The following ZNF280B variants were observed in gnomAD, a reference collection of about 807,000 sequenced individuals.
ZNF280B encodes the protein suppressor of hairy wing homolog 2.
ZNF280B carries 16 observed loss-of-function variants against 38.0 expected under a neutral mutation model. That is an observed-to-expected ratio of 0.42 (90% CI 0.28 to 0.64). ZNF280B has a LOEUF of 0.64. ZNF280B is among the 30% of genes least tolerant of loss of function. ZNF280B has a pLI of 0.21. For synonymous variants in ZNF280B, 253 were observed against 230.6 expected (o/e 1.10, Z -0.88); for missense variants, 581 against 639.6 (o/e 0.91, Z 0.99).
chr22:22,486,113 A>G lies in ZNF280B; in HGVS notation c.*1654T>C, dbSNP rs1172910861. ...TCTTGCACACTGGTGTGTGTCAGGT[A>G]AGACCCAAACAGCATTAGTGTCAAA... is the stretch of plus-strand genomic sequence containing the variant. On this transcript the variant is annotated 3_prime_UTR_variant, in exon 4 of 4. Transcript: ENST00000626650. The G allele has an allele frequency of 2.0e-5, 3 of 152,020 alleles. No homozygotes were observed. Among genetic ancestry groups the G allele is most frequent in the Non-Finnish European group, 4.4e-5 (3 of 68,022 alleles). 9.4% of individuals were successfully genotyped at this position (152,020 alleles called of 1,614,324 possible). A position where few individuals can be genotyped will look rare whatever the true frequency, so the allele number is the denominator to read the frequency against.
Position 22,488,435 on chromosome 22 carries a change from T to C in ZNF280B, c.964A>G (p.Met322Val). 1 of 1,613,908 alleles carries C rather than the reference T, an allele frequency of 6.2e-7. No individual in the cohort carries two copies. Among genetic ancestry groups the C allele is most frequent in the Non-Finnish European group, 8.5e-7 (1 of 1,179,990 alleles). Residue 322 changes from methionine (M) to valine (V), a missense_variant, in exon 4 of 4, where the codon ATG becomes GTG. Coordinates refer to ENST00000626650, the MANE Select transcript of ZNF280B (RefSeq NM_080764.4). ...TCCAAATGATGCTTCACGTGATTCA[T>C]AAACTTAACATTTTTTAGAACTTTC... ...CVKVLKNVKF[M>V]NHVKHHLEFE... is the part of the protein sequence containing the mutation.
chr22:22,493,381 G>A (rs2146785049), intron 3 of ZNF280B, among the ~76,000 whole-genome samples: 1 of 152,114 alleles, frequency 6.6e-6, no homozygotes, highest in Middle Eastern at 3.5e-3. Flanking sequence ...TGTAGACAGA[G>A]TTAGCACTAA....
chr22:22,509,130 G>C (rs1031233344), upstream of ZNF280B: 1 of 152,752 alleles, frequency 6.5e-6, no homozygotes, highest in Admixed American at 6.6e-5. Flanking sequence ...GGGGTGGGGG[G>C]TAGGCTTCCA....
rs531599551 is a variant in ZNF280B, at chr22:22,485,896, C to T, written c.*1871G>A. On this transcript the variant is annotated 3_prime_UTR_variant, in exon 4 of 4. Transcript: ENST00000626650. ...CAGAACACAAGCAGGGAGACAACTC[C>T]GGGAGTCCACAGAGGCAGCCAAGAC... is the stretch of plus-strand genomic sequence containing the variant. The T allele has an allele frequency of 4.6e-5, 7 of 152,028 alleles. No homozygotes were observed. Among genetic ancestry groups the T allele is most frequent in the Middle Eastern group, 6.9e-3 (2 of 288 alleles). The allele number at this position is 152,028 out of a possible 1,614,324, so 9.4% of individuals were successfully genotyped here. A position where few individuals can be genotyped will look rare whatever the true frequency, so the allele number is the denominator to read the frequency against.
chr22:22,505,463 GGCT>G (rs2061917172), intron 2 of ZNF280B, among the ~76,000 whole-genome samples: 1 of 151,948 alleles, frequency 6.6e-6, no homozygotes, highest in Non-Finnish European at 1.5e-5. Flanking sequence ...CTACTCGGGA[GGCT>G]GAGGCAGGAG....
intron 3 of ZNF280B, among the ~76,000 whole-genome samples, chr22:22,492,221 G>A (rs1407686445): frequency 6.6e-6 from 1 of 151,812 alleles, no homozygotes; most frequent in African/African-American, 2.4e-5. Context: ...AAAAATATAA[G>A]GCAGATATGA....
In ZNF280B at chr22:22,491,443, TTCTTG is replaced by T. The variant is rs1273884610; in HGVS notation, c.-68-1982_-68-1978del. Among the ~76,000 whole-genome samples the T allele has an allele frequency of 8.2e-5, 12 of 145,834 alleles. No individual in the cohort carries two copies. In the East Asian group the frequency reaches 1.2e-3, roughly 15 times the overall value. ...CATTCTAAAATTTTCTATTTCATTT[TTCTTG>T]TCTTTTTTCTTTTTTTTTTTTTTTT... On this transcript the variant is annotated intron_variant, in intron 3 of 3. Transcript: ENST00000626650.
rs1197432873 is a variant in ZNF280B, at chr22:22,489,447, T to C, written c.-49A>G. On this transcript the variant is annotated 5_prime_UTR_variant, in exon 4 of 4. Transcript: ENST00000626650. ...TGGTGGGGCCACAAGTCCCAATGCT[T>C]CCTTTATATAAACTGCCACCTAAGT... 1 of 1,504,754 alleles carries C rather than the reference T, an allele frequency of 6.6e-7. No individual in the cohort carries two copies. The highest frequency in any genetic ancestry group is 1.4e-5 in the African/African-American group (1 of 71,492). 93.2% of individuals were successfully genotyped at this position (1,504,754 alleles called of 1,614,324 possible). A position where few individuals can be genotyped will look rare whatever the true frequency, so the allele number is the denominator to read the frequency against.
In ZNF280B at chr22:22,487,981, T is replaced by C. The variant is rs1331648829; in HGVS notation, c.1418A>G (p.Lys473Arg). 6.2e-7 allele frequency: 1 copy of C among 1,613,670 alleles called. No homozygotes were observed. The change falls in exon 4 of 4, where the codon AAG (lysine) becomes AGG (arginine). Residue 473 changes from lysine to arginine, a missense_variant. Coordinates refer to ENST00000626650, the MANE Select transcript of ZNF280B (RefSeq NM_080764.4). ...SKCRLQFLTF[K>R]EKMEHKTQCH... ...CTGGGTCTTGTGCTCCATTTTCTCC[T>C]TGAAAGTTAAAAACTGTAGCCGGCA... is the stretch of plus-strand genomic sequence containing the variant.
chr22:22,500,219 A>C (rs2061788559), intron 2 of ZNF280B, among the ~76,000 whole-genome samples: 3 of 151,934 alleles, frequency 2.0e-5, no homozygotes, highest in African/African-American at 7.3e-5. Context: ...ATGTTCTAGC[A>C]ATCTTACTTC....
intron 2 of ZNF280B, among the ~76,000 whole-genome samples, chr22:22,498,793 C>CATTT (rs1433318386): frequency 1.2e-5 from 1 of 83,632 alleles, no homozygotes; most frequent in African/African-American, 5.0e-5. Context: ...GGCCAATATC[C>CATTT]TTTTTTTTTT....
chr22:22,494,670 C>T (rs2061659569), intron 2 of ZNF280B, among the ~76,000 whole-genome samples: 7 of 151,906 alleles, frequency 4.6e-5, no homozygotes, highest in Admixed American at 3.9e-4. Context: ...GCTGAGAGAT[C>T]AGTGGATGAT....
intron 3 of ZNF280B, among the ~76,000 whole-genome samples, chr22:22,491,531 T>C (rs2061597489): frequency 6.8e-6 from 1 of 147,724 alleles, no homozygotes; most frequent in Non-Finnish European, 1.5e-5. Context: ...CAATCTCAGC[T>C]CACGGCAACC....
chr22:22,485,320 C>T lies in ZNF280B; in HGVS notation c.*2447G>A, dbSNP rs1003013558. 6.6e-6 allele frequency: 1 copy of T among 151,912 alleles called. No individual in the cohort carries two copies. Among genetic ancestry groups the T allele is most frequent in the Non-Finnish European group, 1.5e-5 (1 of 67,998 alleles). 9.4% of individuals were successfully genotyped at this position (151,912 alleles called of 1,614,324 possible). On this transcript the variant is annotated 3_prime_UTR_variant, in exon 4 of 4. Transcript: ENST00000626650. The stretch of plus-strand genomic sequence containing the variant: ...AATACGGGAGGTAAGTATGAAAAGT[C>T]TGTAGATCTATTTATACACAGTGGG...
intron 2 of ZNF280B, among the ~76,000 whole-genome samples, chr22:22,494,841 G>C (rs534901892): frequency 6.6e-6 from 1 of 151,982 alleles, no homozygotes; most frequent in African/African-American, 2.4e-5. Flanking sequence ...GGTTCAAGCA[G>C]TTTTCCTGCC....
chr22:22,502,034 G>A (rs1418111900), intron 2 of ZNF280B, among the ~76,000 whole-genome samples: 1 of 151,886 alleles, frequency 6.6e-6, no homozygotes, highest in Non-Finnish European at 1.5e-5. Context: ...AGCTGAGATG[G>A]GAGGATCACT....
At chr22:22,506,930 C>CT (rs2061951040) in intron 2 of ZNF280B, among the ~76,000 whole-genome samples, 2 of 151,938 alleles carry the variant, frequency 1.3e-5, no homozygotes, top group African/African-American at 2.4e-5. Context: ...GTAGCCCTCT[C>CT]CCACTAACAG....
chr22:22,492,767 T>C (rs2061620862), intron 3 of ZNF280B, among the ~76,000 whole-genome samples: 1 of 151,030 alleles, frequency 6.6e-6, no homozygotes, highest in African/African-American at 2.4e-5. Flanking sequence ...ACACCTGTAA[T>C]CCCAGCTACT....
intron 3 of ZNF280B, among the ~76,000 whole-genome samples, chr22:22,491,440 T>A (rs2061591933): frequency 6.8e-6 from 1 of 148,044 alleles, no homozygotes; most frequent in African/African-American, 2.5e-5. Flanking sequence ...TTCTATTTCA[T>A]TTTTCTTGTC....
Sources: gnomAD v4.1 joint callset for allele counts (sites outside exome capture counted in the v4.1 genomes callset) on GRCh38, gnomAD v4.1.1 for gene constraint, MANE v1.5 for transcripts, NCBI Gene and HGNC (gene_info 2026-07-23, HGNC 2026-07-21) for gene names.